The following PPM1L variants were observed in gnomAD, a reference collection of about 807,000 sequenced individuals.
PPM1L encodes the protein protein phosphatase 1L.
Under a neutral mutation model 31.4 loss-of-function variants are expected in PPM1L, and 13 were observed. That is an observed-to-expected ratio of 0.41 (90% confidence interval 0.27 to 0.66). The LOEUF is 0.66. Among genes scored for constraint, PPM1L ranks in the 30% least tolerant of loss-of-function variants. PPM1L has a pLI of 0.29. For missense variants in PPM1L, 326 were observed against 453.7 expected (o/e 0.72, Z 2.56); for synonymous variants, 184 against 175.4 (o/e 1.05, Z -0.39).
At chr3:160,894,733 C>G (rs1713276375) in intron 1 of PPM1L, among the ~76,000 whole-genome samples, 1 of 152,098 alleles carries the variant, frequency 6.6e-6, no homozygotes, top group East Asian at 1.9e-4. Context: ...ACAAAACATG[C>G]TTGTTTTGCC....
At chr3:160,997,658 G>A (rs564436573) in intron 2 of PPM1L, among the ~76,000 whole-genome samples, 12 of 152,234 alleles carry the variant, frequency 7.9e-5, no homozygotes, top group Admixed American at 3.3e-4. Flanking sequence ...GGTAGGATAG[G>A]CCTAAATAAG....
intron 1 of PPM1L, among the ~76,000 whole-genome samples, chr3:160,866,718 A>G (rs1338194611): frequency 2.0e-5 from 3 of 152,160 alleles, no homozygotes; most frequent in African/African-American, 4.8e-5. Flanking sequence ...ATTCCCCCAT[A>G]TATTTTAGAT....
At chr3:160,983,713 CT>C (rs1258290408) in intron 2 of PPM1L, among the ~76,000 whole-genome samples, 1 of 152,200 alleles carries the variant, frequency 6.6e-6, no homozygotes, top group African/African-American at 2.4e-5. Context: ...GAACCCACCC[CT>C]GATAATTCTT....
At chr3:160,798,414 G>T (rs577007553) in intron 1 of PPM1L, among the ~76,000 whole-genome samples, 17 of 152,132 alleles carry the variant, frequency 1.1e-4, no homozygotes, top group Non-Finnish European at 2.1e-4. Context: ...AGATAATGTA[G>T]CTGGTGACTT....
intron 1 of PPM1L, among the ~76,000 whole-genome samples, chr3:160,945,934 A>G (rs1428686918): frequency 1.3e-5 from 2 of 152,166 alleles, no homozygotes; most frequent in Non-Finnish European, 2.9e-5. Context: ...TAGATAATAC[A>G]TATACCATAC....
chr3:160,930,792 G>T (rs1297519712), intron 1 of PPM1L, among the ~76,000 whole-genome samples: 1 of 151,904 alleles, frequency 6.6e-6, no homozygotes. Flanking sequence ...TGGAGTGAGA[G>T]CTGGTGCCAT....
intron 1 of PPM1L, among the ~76,000 whole-genome samples, chr3:160,954,970 C>G (rs1715721057): frequency 8.4e-6 from 1 of 119,306 alleles, no homozygotes; most frequent in South Asian, 2.6e-4. Flanking sequence ...CTTTCCTTTC[C>G]TTTCCTTTCC....
chr3:160,766,744 G>GT lies in PPM1L; in HGVS notation c.399+10050dup, dbSNP rs200642876. 6.4e-3 allele frequency among the ~76,000 whole-genome samples: 914 copies of GT among 142,290 alleles called. 14 individuals are homozygous for GT. The East Asian group carries it at 0.094, about 15-fold the overall frequency. 93.3% of individuals were successfully genotyped at this position (142,290 alleles called of 152,430 possible). The stretch of plus-strand genomic sequence containing the variant: ...TCTTGATCACTTGATCTCTCTGGAG[G>GT]TTTTTTTTTTTTTCCCTTCTCTTTC... On this transcript the variant is annotated intron_variant, in intron 1 of 3. Coordinates refer to ENST00000498165, the MANE Select transcript of PPM1L (RefSeq NM_139245.4).
At chr3:160,779,106 T>TTA (rs1553805437) in intron 1 of PPM1L, among the ~76,000 whole-genome samples, 1 of 145,562 alleles carries the variant, frequency 6.9e-6, no homozygotes, top group African/African-American at 2.5e-5. Context: ...CTTTCTGCTG[T>TTA]AAAAAAAAAA....
rs144223679 is a variant in PPM1L at position 160,948,749 on chromosome 3, G to T, written c.400-12987G>T. Among the ~76,000 whole-genome samples, 868 of 152,240 alleles carry T rather than the reference G, an allele frequency of 5.7e-3. 3 individuals are homozygous for T. The highest frequency in any genetic ancestry group is 0.014 in the Admixed American group (214 of 15,280). ...GTGGCACTGAGGGTTGAAAGGCCATGTAGGAACGTCATTGCATATAGTCAA... is the reference window on the plus strand; with the variant it reads ...GTGGCACTGAGGGTTGAAAGGCCATTTAGGAACGTCATTGCATATAGTCAA... On this transcript the variant is annotated intron_variant, in intron 1 of 3. Coordinates refer to ENST00000498165, the MANE Select transcript of PPM1L (RefSeq NM_139245.4).
At chr3:160,997,415 C>T (rs1168130322) in intron 2 of PPM1L, among the ~76,000 whole-genome samples, 3 of 152,084 alleles carry the variant, frequency 2.0e-5, no homozygotes, top group African/African-American at 7.2e-5. Context: ...TGGAAATAAC[C>T]TTTGAGTTTT....
At chr3:160,891,881 G>C (rs7636886) in intron 1 of PPM1L, among the ~76,000 whole-genome samples, 129,950 of 152,158 alleles carry the variant, frequency 0.85, 55,716 homozygotes, top group Middle Eastern at 0.92. Flanking sequence ...TCATCCTCAG[G>C]AAACTAATAC....
At chr3:160,862,350 T>G (rs906865333) in intron 1 of PPM1L, among the ~76,000 whole-genome samples, 2 of 152,106 alleles carry the variant, frequency 1.3e-5, no homozygotes, top group Non-Finnish European at 2.9e-5. Context: ...CCTGGAAACT[T>G]CTGGGCTGTG....
intron 1 of PPM1L, among the ~76,000 whole-genome samples, chr3:160,910,528 A>G (rs1713935666): frequency 6.6e-6 from 1 of 152,034 alleles, no homozygotes; most frequent in South Asian, 2.1e-4. Flanking sequence ...ACCAGCCTCA[A>G]GTGAACTTCT....
chr3:160,911,432 T>G (rs917606623), intron 1 of PPM1L, among the ~76,000 whole-genome samples: 2 of 152,202 alleles, frequency 1.3e-5, no homozygotes, highest in Non-Finnish European at 2.9e-5. Context: ...CAAATGCACC[T>G]TCTTCCTTGT....
chr3:160,853,554 G>C (rs1391013051), intron 1 of PPM1L, among the ~76,000 whole-genome samples: 1 of 152,022 alleles, frequency 6.6e-6, no homozygotes, highest in African/African-American at 2.4e-5. Flanking sequence ...ATTTGTAGTT[G>C]ACCATGGTCA....
At chr3:160,921,853 A>C (rs1490610806) in intron 1 of PPM1L, among the ~76,000 whole-genome samples, 1 of 135,590 alleles carries the variant, frequency 7.4e-6, no homozygotes, top group Non-Finnish European at 1.7e-5. Flanking sequence ...AACTAAGGTT[A>C]CTTATGACCA....
At chr3:160,825,322 CATG>C (rs1713321987) in intron 1 of PPM1L, among the ~76,000 whole-genome samples, 1 of 152,004 alleles carries the variant, frequency 6.6e-6, no homozygotes, top group East Asian at 1.9e-4. Context: ...ACAAATTGAT[CATG>C]ATGATTGATA....
rs1720026548 is a variant in PPM1L at position 161,074,099 on chromosome 3, A to T, written c.*4942A>T. On this transcript the variant is annotated 3_prime_UTR_variant, in exon 4 of 4. Transcript: ENST00000498165. The stretch of plus-strand genomic sequence containing the variant: ...TTTTGAAATTTTAACGATTTTTAAA[A>T]CTAATGATCTGTTATATAATAACTG... The T allele has an allele frequency of 6.6e-6, 1 of 152,246 alleles. No homozygotes were observed. The highest frequency in any genetic ancestry group is 1.5e-5 in the Non-Finnish European group (1 of 68,054). 9.4% of individuals were successfully genotyped at this position (152,246 alleles called of 1,614,324 possible). A position where few individuals can be genotyped will look rare whatever the true frequency, so the allele number is the denominator to read the frequency against.
Sources: allele counts gnomAD v4.1 joint callset (sites outside exome capture counted in the v4.1 genomes callset), GRCh38; gene constraint gnomAD v4.1.1; transcripts MANE v1.5; gene names NCBI Gene and HGNC (gene_info 2026-07-23, HGNC 2026-07-21).